Variants in ITGB1 observed in about 807,000 individuals in gnomAD.
ITGB1 encodes the protein integrin beta-1.
Under a neutral mutation model 86.5 loss-of-function variants are expected in ITGB1, and 24 were observed. The ratio of observed to expected loss-of-function variants is 0.28; its 90% CI spans 0.20 to 0.39. The LOEUF (loss-of-function observed/expected upper bound fraction) is 0.39. ITGB1 is among the 10% of genes least tolerant of loss of function. The probability of loss-of-function intolerance (pLI) is 1.00; values close to 1 mark genes in which losing one functional copy is unlikely to be tolerated. For missense variants in ITGB1, 556 were observed against 946.9 expected, an observed-to-expected ratio of 0.59 and a Z score of 5.42; for synonymous variants, 323 against 316.8, an observed-to-expected ratio of 1.02 and a Z score of -0.21.
chr10:32,901,738 T>G (rs1197427690), intron 15 of ITGB1, 103 bp from the exon 16 acceptor site: 1 of 711,372 alleles, frequency 1.4e-6, no homozygotes, highest in East Asian at 2.8e-5. Flanking sequence ...TCTTAAGAAG[T>G]CATTTCTATT....
chr10:32,902,921 T>G lies in ITGB1; in HGVS notation c.2332-1286A>C, dbSNP rs1210620491. On this transcript the variant is annotated intron_variant, in intron 15 of 15. Coordinates refer to ENST00000302278, the MANE Select transcript of ITGB1 (RefSeq NM_002211.4). ...AGTATAAGAAAAAAGTTATTAACTTTAAGAAGATTAAGGAGATTTTCATTG... is the reference window on the plus strand; with the variant it reads ...AGTATAAGAAAAAAGTTATTAACTTGAAGAAGATTAAGGAGATTTTCATTG... Among the ~76,000 whole-genome samples, 3 of 152,294 alleles carry G rather than the reference T, an allele frequency of 2.0e-5. No homozygotes were observed. In the East Asian group the frequency reaches 5.8e-4, roughly 29 times the overall value.
Position 32,926,011 on chromosome 10 carries a change from G to C in ITGB1, c.646C>G (p.Pro216Ala). The C allele has an allele frequency of 6.2e-7, 1 of 1,613,834 alleles. No homozygotes were observed. The highest frequency in any genetic ancestry group is 8.5e-7 in the Non-Finnish European group (1 of 1,179,772). The change falls in exon 6 of 16, where the codon CCA (proline) becomes GCA (alanine). Residue 216 changes from proline to alanine, a missense_variant. By Grantham distance (27) the Pro-to-Ala change is conservative. This residue lies in a region of ITGB1 where 183 missense variants were observed against 263.9 expected (regional missense o/e 0.69). Transcript: ENST00000302278. ...CTGAGCACATTTTTGTAGCTAAATG[G>C]GCTGGTGCAGTTCTGTTCACTTGTG... is the stretch of plus-strand genomic sequence containing the variant. ...PCTSEQNCTSPFSYKNVLSLT... is the reference protein window; with the variant it reads ...PCTSEQNCTSAFSYKNVLSLT...
intron 5 of ITGB1, among the ~76,000 whole-genome samples, chr10:32,926,513 T>C (rs534503485): frequency 2.0e-5 from 3 of 152,278 alleles, no homozygotes; most frequent in Non-Finnish European, 2.9e-5. Flanking sequence ...TCATGAGATC[T>C]GTTATTTAAA....
intron 15 of ITGB1, among the ~76,000 whole-genome samples, chr10:32,903,199 A>G (rs868088509): frequency 3.3e-5 from 5 of 151,930 alleles, no homozygotes; most frequent in Middle Eastern, 3.4e-3. Context: ...TAAAAATACA[A>G]AAATTAGCTG....
intron 1 of ITGB1, chr10:32,944,719 T>C: frequency 1.4e-6 from 1 of 692,562 alleles, no homozygotes; most frequent in Non-Finnish European, 2.7e-6. Flanking sequence ...ACAAAGTGAT[T>C]AGCCCGAATG....
chr10:32,941,699 A>G (rs571115382), intron 1 of ITGB1, among the ~76,000 whole-genome samples: 88 of 152,328 alleles, frequency 5.8e-4, no homozygotes, highest in Middle Eastern at 6.8e-3. Flanking sequence ...ATTTACTGCA[A>G]AGGTTCAAGT....
At chr10:32,957,917 C>G (rs1324152374) in intron 1 of ITGB1, 1 of 151,956 alleles carries the variant, frequency 6.6e-6, no homozygotes, top group Non-Finnish European at 1.5e-5. Context: ...CTGCCAGCGC[C>G]GGGGACCCGA....
intron 1 of ITGB1, among the ~76,000 whole-genome samples, chr10:32,956,686 C>G (rs1043787339): frequency 2.0e-5 from 3 of 152,170 alleles, no homozygotes. Context: ...CCAGCCTGGG[C>G]AACAGAGACC....
chr10:32,906,147 C>A (rs1345782480), intron 15 of ITGB1, among the ~76,000 whole-genome samples: 1 of 152,138 alleles, frequency 6.6e-6, no homozygotes, highest in Non-Finnish European at 1.5e-5. Flanking sequence ...AGAAATTGAT[C>A]TCAAATCTTT....
At chr10:32,912,208 G>C in intron 11 of ITGB1, 84 bp from the exon 12 acceptor site, 1 of 1,048,216 alleles carries the variant, frequency 9.5e-7, no homozygotes, top group South Asian at 1.4e-5. Flanking sequence ...AACAGCTCTA[G>C]TCTACAGCTC....
intron 1 of ITGB1, among the ~76,000 whole-genome samples, chr10:32,948,128 T>C (rs1189467751): frequency 6.6e-6 from 1 of 150,566 alleles, no homozygotes; most frequent in Non-Finnish European, 1.5e-5. Flanking sequence ...CTACAGAAAA[T>C]AGATTAATGT....
Position 32,929,755 on chromosome 10 carries a change from T to C in ITGB1, c.376+67A>G, listed in dbSNP as rs1389565327. 11 of 888,496 alleles carry C rather than the reference T, an allele frequency of 1.2e-5. No homozygotes were observed. In the Admixed American group the frequency reaches 2.0e-4, roughly 16 times the overall value. The allele number at this position is 888,496 out of a possible 1,614,324, so 55.0% of individuals were successfully genotyped here. On this transcript the variant is annotated intron_variant, in intron 4 of 15. Transcript: ENST00000302278. ...GCCTTCAACAGAAACTGGTCAGAGT[T>C]TGCATAAAGCTGGTGTCGAATGCCT...
At position 32,901,303 on chromosome 10, in the gene ITGB1, A is replaced by C; in HGVS notation, c.*267T>G. The stretch of plus-strand genomic sequence containing the variant: ...CACTTAATCCAATAAGCTTGATTTC[A>C]ATAGTCCAGGAAGAAAAGGTCAAAA... On this transcript the variant is annotated 3_prime_UTR_variant, in exon 16 of 16. Transcript: ENST00000302278. 8.6e-6 allele frequency: 3 copies of C among 347,960 alleles called. No homozygotes were observed. Among genetic ancestry groups the C allele is most frequent in the Non-Finnish European group, 1.6e-5 (3 of 192,520 alleles). The allele number at this position is 347,960 out of a possible 1,614,324, so 21.6% of individuals were successfully genotyped here. A position where few individuals can be genotyped will look rare whatever the true frequency, so the allele number is the denominator to read the frequency against.
chr10:32,935,016 A>C (rs2094996556), intron 2 of ITGB1, among the ~76,000 whole-genome samples: 1 of 152,198 alleles, frequency 6.6e-6, no homozygotes, highest in Non-Finnish European at 1.5e-5. Context: ...TCTTTATAGA[A>C]GGGTTAAATA....
chr10:32,951,793 T>TAAAA (rs1436306818), intron 1 of ITGB1: 1 of 152,146 alleles, frequency 6.6e-6, no homozygotes, highest in African/African-American at 2.4e-5. Flanking sequence ...ACGGTTTTGG[T>TAAAA]TGAGAAAGTT....
intron 1 of ITGB1, among the ~76,000 whole-genome samples, chr10:32,939,723 AGTG>A (rs2095013411): frequency 1.7e-3 from 1 of 590 alleles, no homozygotes; most frequent in East Asian, 0.17. Context: ...TGGGTGGGTA[AGTG>A]AGTGAGTGAG....
At position 32,902,595 on chromosome 10, in the gene ITGB1, G is replaced by A. The variant is rs1206912527; in HGVS notation, c.2332-960C>T. 3.3e-5 allele frequency among the ~76,000 whole-genome samples: 5 copies of A among 152,164 alleles called. No homozygotes were observed. In the East Asian group the frequency reaches 9.7e-4, roughly 29 times the overall value. ...TAAAAAATACTTGTTAACTACCAGG[G>A]AAATTTTTTTTAAGAAAAAATTAAG... On this transcript the variant is annotated intron_variant, in intron 15 of 15. Coordinates refer to ENST00000302278, the MANE Select transcript of ITGB1 (RefSeq NM_002211.4).
rs748960302 is a variant in ITGB1 at position 32,901,579 on chromosome 10, C to T, written c.2388G>A (p.Glu796=). 1 of 1,595,938 alleles carries T rather than the reference C, an allele frequency of 6.3e-7. No individual in the cohort carries two copies. The highest frequency in any genetic ancestry group is 1.1e-5 in the South Asian group (1 of 89,336). The change falls in exon 16 of 16, where the codon GAG becomes GAA. Residue 796 remains glutamate, a synonymous_variant. Coordinates refer to ENST00000302278, the MANE Select transcript of ITGB1 (RefSeq NM_002211.4). ...AVTTVVNPKY[E]GK The stretch of plus-strand genomic sequence containing the variant: ...TTTGCACGGGCAGTACTCATTTTCC[C>T]TCATACTTCGGATTGACCACAGTTG...
intron 5 of ITGB1, among the ~76,000 whole-genome samples, chr10:32,927,015 C>T (rs1792388444): frequency 6.6e-6 from 1 of 152,150 alleles, no homozygotes; most frequent in African/African-American, 2.4e-5. Flanking sequence ...TGCCTCCCTA[C>T]TTTAAAAATA....
Sources: allele counts gnomAD v4.1 joint callset (sites outside exome capture counted in the v4.1 genomes callset), GRCh38; gene constraint gnomAD v4.1.1; regional missense constraint gnomAD v4.1.1; transcripts MANE v1.5; gene names NCBI Gene and HGNC (gene_info 2026-07-23, HGNC 2026-07-21).